Variants in KANK1 observed in about 807,000 individuals in gnomAD.
The protein encoded by KANK1 is KN motif and ankyrin repeat domain-containing protein 1.
A neutral mutation model predicts 106.2 loss-of-function variants in KANK1; 109 were observed. The ratio of observed to expected loss-of-function variants is 1.03; its 90% CI spans 0.88 to 1.20. The LOEUF is 1.20. KANK1 is among the 50% of genes most tolerant of loss of function. The pLI, the probability that KANK1 is intolerant of heterozygous loss-of-function variation, is 0.00. For synonymous variants in KANK1, 873 were observed against 652.2 expected, an observed-to-expected ratio of 1.34 and a Z score of -5.16; for missense variants, 2,399 against 1,710.7, an observed-to-expected ratio of 1.40 and a Z score of -7.10.
rs58615825 is a variant in KANK1 at position 690,314 on chromosome 9, GAA to G, written c.37+13318_37+13319del. Among the ~76,000 whole-genome samples the G allele has an allele frequency of 7.3e-3, 779 of 107,062 alleles. 4 individuals are homozygous for G. Among genetic ancestry groups the G allele is most frequent in the African/African-American group, 0.024 (734 of 30,162 alleles). 70.2% of individuals were successfully genotyped at this position (107,062 alleles called of 152,430 possible). A position where few individuals can be genotyped will look rare whatever the true frequency, so the allele number is the denominator to read the frequency against. Reference sequence around the variant, plus strand: ...GAGCGAGACTCTGTCTCAAAAAAAAGAAAAAAAAAAAAAAGGCTACAAGAGAG... The same window carrying G: ...GAGCGAGACTCTGTCTCAAAAAAAAGAAAAAAAAAAAAGGCTACAAGAGAG... On this transcript the variant is annotated intron_variant, in intron 2 of 11. Coordinates refer to ENST00000382297, the MANE Select transcript of KANK1 (RefSeq NM_015158.5).
intron 1 of KANK1, among the ~76,000 whole-genome samples, chr9:506,266 C>A (rs1251661148): frequency 6.6e-6 from 1 of 152,090 alleles, no homozygotes; most frequent in Admixed American, 6.6e-5. Context: ...AACTTTGATC[C>A]TTTTTCTGTT....
intron 3 of KANK1, among the ~76,000 whole-genome samples, chr9:720,455 A>G (rs1829004200): frequency 6.6e-6 from 1 of 152,156 alleles, no homozygotes; most frequent in Non-Finnish European, 1.5e-5. Flanking sequence ...AGCTGTCCTC[A>G]CACGTGAACC....
chr9:567,046 C>G (rs10815245), intron 1 of KANK1, among the ~76,000 whole-genome samples: 13,728 of 152,242 alleles, frequency 0.09, 943 homozygotes, highest in East Asian at 0.33. Context: ...GGTCCAGTTT[C>G]AATTTTCTGC....
chr9:734,882 G>A (rs750059274), intron 7 of KANK1, 47 bp downstream of exon 7: 1 of 1,395,800 alleles, frequency 7.2e-7, no homozygotes, highest in Admixed American at 1.7e-5. Context: ...CAAAGTGCAT[G>A]AGTGGGTTCA....
intron 1 of KANK1, among the ~76,000 whole-genome samples, chr9:667,861 A>G (rs1845015233): frequency 6.6e-6 from 1 of 151,170 alleles, no homozygotes; most frequent in South Asian, 2.1e-4. Context: ...CCTCCCAAGT[A>G]GCTGGGATTA....
At position 592,971 on chromosome 9, in the gene KANK1, C is replaced by T. The variant is rs146390387; in HGVS notation, c.-83-83919C>T. Reference sequence around the variant, plus strand: ...TCAATACCAAGAAAGATGATCTTGGCGTCACCCACCATAGCCTACCTTCTA... The same window carrying T: ...TCAATACCAAGAAAGATGATCTTGGTGTCACCCACCATAGCCTACCTTCTA... On this transcript the variant is annotated intron_variant, in intron 1 of 11. Coordinates refer to ENST00000382297, the MANE Select transcript of KANK1 (RefSeq NM_015158.5). Among the ~76,000 whole-genome samples the T allele has an allele frequency of 2.8e-3, 425 of 151,944 alleles. 10 individuals are homozygous for T. Among genetic ancestry groups the T allele is most frequent in the African/African-American group, 9.7e-3 (399 of 41,258 alleles).
chr9:619,404 G>T (rs909402456), intron 1 of KANK1, among the ~76,000 whole-genome samples: 1 of 152,164 alleles, frequency 6.6e-6, no homozygotes, highest in Non-Finnish European at 1.5e-5. Context: ...CTTCTTTCTT[G>T]GGATGGGTAG....
At chr9:581,299 G>A (rs923098609) in intron 1 of KANK1, among the ~76,000 whole-genome samples, 1 of 152,238 alleles carries the variant, frequency 6.6e-6, no homozygotes, top group Non-Finnish European at 1.5e-5. Context: ...CTGACAGCAC[G>A]TTGTCACCTC....
upstream of KANK1, among the ~76,000 whole-genome samples, chr9:501,613 T>TAAAC (rs1554722124): frequency 1.3e-5 from 2 of 148,432 alleles, no homozygotes. Context: ...CGCACAGACA[T>TAAAC]ACACACACAC....
intron 1 of KANK1, among the ~76,000 whole-genome samples, chr9:516,694 A>C (rs1260764867): frequency 1.3e-5 from 2 of 151,484 alleles, no homozygotes; most frequent in African/African-American, 4.9e-5. Context: ...CCCAGGTGGG[A>C]GGGGAGTTAC....
At chr9:719,417 C>T (rs1828704977) in intron 3 of KANK1, among the ~76,000 whole-genome samples, 1 of 152,126 alleles carries the variant, frequency 6.6e-6, no homozygotes, top group African/African-American at 2.4e-5. Flanking sequence ...TTTAGATGTT[C>T]TTTAAAAATT....
chr9:720,310 A>T (rs1408506919), intron 3 of KANK1, among the ~76,000 whole-genome samples: 2 of 152,192 alleles, frequency 1.3e-5, no homozygotes, highest in African/African-American at 4.8e-5. Context: ...GAGTGCCAGA[A>T]TTCTGAAGGT....
chr9:659,291 A>T (rs1842803316), intron 1 of KANK1, among the ~76,000 whole-genome samples: 1 of 152,136 alleles, frequency 6.6e-6, no homozygotes, highest in African/African-American at 2.4e-5. Flanking sequence ...CTTAGGGCAT[A>T]ATTTTTTTCC....
chr9:636,642 C>T (rs1837203735), intron 1 of KANK1, among the ~76,000 whole-genome samples: 1 of 152,170 alleles, frequency 6.6e-6, no homozygotes, highest in African/African-American at 2.4e-5. Flanking sequence ...CCAAGGCAGG[C>T]GGATCACGAG....
intron 1 of KANK1, among the ~76,000 whole-genome samples, chr9:662,160 C>T (rs547488057): frequency 7.2e-5 from 11 of 152,138 alleles, no homozygotes; most frequent in African/African-American, 2.7e-4. Flanking sequence ...CAAACCACTG[C>T]TCAACAAAAT....
intron 1 of KANK1, among the ~76,000 whole-genome samples, chr9:525,075 A>C (rs1403189972): frequency 6.9e-6 from 1 of 145,564 alleles, no homozygotes; most frequent in East Asian, 2.0e-4. Flanking sequence ...GCTCACTGCA[A>C]CCTCCGCCTC....
In KANK1 at chr9:742,534, A is replaced by G. The variant is rs1224666366; in HGVS notation, c.3897+129A>G. 1.0e-5 allele frequency: 7 copies of G among 673,214 alleles called. No individual in the cohort carries two copies. In the East Asian group the frequency reaches 1.9e-4, roughly 19 times the overall value. 41.7% of individuals were successfully genotyped at this position (673,214 alleles called of 1,614,324 possible). A position where few individuals can be genotyped will look rare whatever the true frequency, so the allele number is the denominator to read the frequency against. On this transcript the variant is annotated intron_variant, in intron 10 of 11. Coordinates refer to ENST00000382297, the MANE Select transcript of KANK1 (RefSeq NM_015158.5). The stretch of plus-strand genomic sequence containing the variant: ...TCCTCTGGGATTTGTGTCGCCATCT[A>G]GGTGCCTCCCTTCACAGCCAAGCTT...
chr9:566,294 T>C (rs1489613301), intron 1 of KANK1, among the ~76,000 whole-genome samples: 1 of 152,228 alleles, frequency 6.6e-6, no homozygotes, highest in Non-Finnish European at 1.5e-5. Flanking sequence ...GTCTTTGCTA[T>C]TGTGAATAGT....
At chr9:625,963 C>G (rs1012763540) in intron 1 of KANK1, among the ~76,000 whole-genome samples, 3 of 152,220 alleles carry the variant, frequency 2.0e-5, no homozygotes, top group Admixed American at 6.5e-5. Context: ...AGAAACTCCC[C>G]TGCACTCCAT....
Sources: allele counts gnomAD v4.1 joint callset (sites outside exome capture counted in the v4.1 genomes callset), GRCh38; gene constraint gnomAD v4.1.1; transcripts MANE v1.5; gene names NCBI Gene and HGNC (gene_info 2026-07-23, HGNC 2026-07-21).